The following KIRREL3 variants were observed in gnomAD, a reference collection of about 807,000 sequenced individuals.
The protein encoded by KIRREL3 is kin of IRRE-like protein 3.
KIRREL3 carries 36 observed loss-of-function variants against 89.7 expected under a neutral mutation model. The ratio of observed to expected loss-of-function variants is 0.40; its 90% CI spans 0.31 to 0.53. KIRREL3 has a LOEUF of 0.53. KIRREL3 is among the 20% of genes least tolerant of loss of function. The pLI is 0.49. For missense variants in KIRREL3, 864 were observed against 1,056.6 expected (o/e 0.82, Z 2.53); for synonymous variants, 445 against 441.4 (o/e 1.01, Z -0.10).
In KIRREL3 at chr11:126,704,124, C is replaced by T. The variant is rs1165885755; in HGVS notation, c.56-141212G>A. ...TATTACAACTTGAACTTAGCACCTG[C>T]TCTTGATATGTATGCCCAGAAGGCT... On this transcript the variant is annotated intron_variant, in intron 1 of 16. Coordinates refer to ENST00000525144, the MANE Select transcript of KIRREL3 (RefSeq NM_032531.4). This position sits in a 1 kb window ranked among gnomAD's most constrained non-coding sequence, Gnocchi z 4.2. Among the ~76,000 whole-genome samples the T allele has an allele frequency of 1.3e-5, 2 of 152,216 alleles. No homozygotes were observed. Among genetic ancestry groups the T allele is most frequent in the African/African-American group, 4.8e-5 (2 of 41,444 alleles).
rs1433107675 is a variant in KIRREL3 at position 126,594,981 on chromosome 11, CT to C, written c.56-32070del. ...GGGCCCTCGGACCCTCAGGGGCCTT[CT>C]GGGTTGTGAGGCGTGGGGCACCCCG... On this transcript the variant is annotated intron_variant, in intron 1 of 16. Coordinates refer to ENST00000525144, the MANE Select transcript of KIRREL3 (RefSeq NM_032531.4). The surrounding 1 kb of genome is among the most constrained non-coding windows in gnomAD (Gnocchi z 5.0). Among the ~76,000 whole-genome samples, 1 of 152,200 alleles carries C rather than the reference CT, an allele frequency of 6.6e-6. No individual in the cohort carries two copies. The highest frequency in any genetic ancestry group is 1.5e-5 in the Non-Finnish European group (1 of 68,030).
At chr11:127,002,789 G>A (rs1950337024), upstream of KIRREL3, 1 of 152,154 alleles carries the variant, frequency 6.6e-6, no homozygotes, top group Non-Finnish European at 1.5e-5. Context: ...ATGGCCCAGG[G>A]CCCAGATTTG....
rs566805365 is a variant in KIRREL3 at position 126,450,595 on chromosome 11, ATG to A, written c.849-1440_849-1439del. Among the ~76,000 whole-genome samples, 162 of 135,596 alleles carry A rather than the reference ATG, an allele frequency of 1.2e-3. 1 individual carries two copies. Among genetic ancestry groups the A allele is most frequent in the Middle Eastern group, 0.012 (2 of 170 alleles). 89.0% of individuals were successfully genotyped at this position (135,596 alleles called of 152,430 possible). A position where few individuals can be genotyped will look rare whatever the true frequency, so the allele number is the denominator to read the frequency against. ...TGCATGTGTGCATGTGCATGTGTGCATGTGTGTGTCCATCGGCGTGTGCGAGC... is the reference window on the plus strand; with the variant it reads ...TGCATGTGTGCATGTGCATGTGTGCATGTGTGTCCATCGGCGTGTGCGAGC... On this transcript the variant is annotated intron_variant, in intron 7 of 16. Coordinates refer to ENST00000525144, the MANE Select transcript of KIRREL3 (RefSeq NM_032531.4).
chr11:126,568,547 C>T lies in KIRREL3; in HGVS notation c.56-5635G>A, dbSNP rs2134612005. Among the ~76,000 whole-genome samples the T allele has an allele frequency of 6.6e-6, 1 of 152,280 alleles. No individual in the cohort carries two copies. Among genetic ancestry groups the T allele is most frequent in the South Asian group, 2.1e-4 (1 of 4,816 alleles). ...TGAGATCATCTGGAGGAGACACCAGCTGGGTTTGGTTGGACTCACAGGGAG... is the reference window on the plus strand; with the variant it reads ...TGAGATCATCTGGAGGAGACACCAGTTGGGTTTGGTTGGACTCACAGGGAG... On this transcript the variant is annotated intron_variant, in intron 1 of 16. Transcript: ENST00000525144. This position sits in a 1 kb window ranked among gnomAD's most constrained non-coding sequence, Gnocchi z 4.6.
At chr11:126,951,074 G>T (rs1359974715) in intron 1 of KIRREL3, among the ~76,000 whole-genome samples, 1 of 152,206 alleles carries the variant, frequency 6.6e-6, no homozygotes, top group East Asian at 1.9e-4. Flanking sequence ...AAGCCCCTTT[G>T]CAATGTATCG....
At chr11:126,950,328 C>A (rs1409060528) in intron 1 of KIRREL3, among the ~76,000 whole-genome samples, 1 of 152,132 alleles carries the variant, frequency 6.6e-6, no homozygotes, top group Admixed American at 6.6e-5. Flanking sequence ...GATTGTGCCA[C>A]TGCACTCCAG....
At chr11:126,732,513 T>C (rs1948660227) in intron 1 of KIRREL3, among the ~76,000 whole-genome samples, 1 of 152,156 alleles carries the variant, frequency 6.6e-6, no homozygotes, top group South Asian at 2.1e-4. Context: ...CTAAGCAAGT[T>C]AGGACTAAAC....
intron 1 of KIRREL3, among the ~76,000 whole-genome samples, chr11:126,616,856 G>T (rs1481415083): frequency 1.3e-5 from 2 of 152,138 alleles, no homozygotes; most frequent in African/African-American, 4.8e-5. Flanking sequence ...TGCCCAGGCT[G>T]GTCTTGAACT....
rs1318385278 is a variant in KIRREL3 at position 126,719,655 on chromosome 11, A to C, written c.56-156743T>G. 6.6e-6 allele frequency among the ~76,000 whole-genome samples: 1 copy of C among 152,106 alleles called. No homozygotes were observed. Among genetic ancestry groups the C allele is most frequent in the African/African-American group, 2.4e-5 (1 of 41,414 alleles). On this transcript the variant is annotated intron_variant, in intron 1 of 16. Transcript: ENST00000525144. The surrounding 1 kb of genome is among the most constrained non-coding windows in gnomAD (Gnocchi z 4.7). ...AATCATCCCTATCTCAGCCAATGGC[A>C]ACTTATCCTTCCTTTTGCGACTTCT... is the stretch of plus-strand genomic sequence containing the variant.
At chr11:126,451,105 ATGTGTGCATG>A (rs376909507) in intron 7 of KIRREL3, among the ~76,000 whole-genome samples, 4 of 83,114 alleles carry the variant, frequency 4.8e-5, no homozygotes, top group South Asian at 4.4e-4. Context: ...GTCCATGTGC[ATGTGTGCATG>A]TGTGTGTGTG....
Position 126,754,318 on chromosome 11 carries a change from T to C in KIRREL3, c.56-191406A>G, listed in dbSNP as rs1281047365. ...AAAGTGAGATTAAAAGAAAACTTGA[T>C]GGAAAATAAAGATGTTCACTGCTGA... On this transcript the variant is annotated intron_variant, in intron 1 of 16. Coordinates refer to ENST00000525144, the MANE Select transcript of KIRREL3 (RefSeq NM_032531.4). This position sits in a 1 kb window ranked among gnomAD's most constrained non-coding sequence, Gnocchi z 5.1. Among the ~76,000 whole-genome samples, 1 of 152,178 alleles carries C rather than the reference T, an allele frequency of 6.6e-6. No individual in the cohort carries two copies. The highest frequency in any genetic ancestry group is 1.5e-5 in the Non-Finnish European group (1 of 68,036).
Position 126,521,251 on chromosome 11 carries a change from C to G in KIRREL3, c.433+64G>C. The G allele has an allele frequency of 6.9e-7, 1 of 1,448,546 alleles. No homozygotes were observed. The allele number at this position is 1,448,546 out of a possible 1,614,324, so 89.7% of individuals were successfully genotyped here. On this transcript the variant is annotated intron_variant, in intron 4 of 16. Coordinates refer to ENST00000525144, the MANE Select transcript of KIRREL3 (RefSeq NM_032531.4). This position sits in a 1 kb window ranked among gnomAD's most constrained non-coding sequence, Gnocchi z 4.1. ...CCCCATGTCTGACCAAAAAAATACC[C>G]TCTTGGAGCTGAGCCCTTGGTGCTT...
At chr11:126,654,809 A>G (rs1945064067) in intron 1 of KIRREL3, among the ~76,000 whole-genome samples, 1 of 151,424 alleles carries the variant, frequency 6.6e-6, no homozygotes, top group Non-Finnish European at 1.5e-5. Context: ...TTATTTTTTT[A>G]TTTTTTTACA....
rs1052481349 is a variant in KIRREL3 at position 126,622,305 on chromosome 11, A to T, written c.56-59393T>A. 6.6e-6 allele frequency among the ~76,000 whole-genome samples: 1 copy of T among 152,216 alleles called. No individual in the cohort carries two copies. Among genetic ancestry groups the T allele is most frequent in the African/African-American group, 2.4e-5 (1 of 41,448 alleles). On this transcript the variant is annotated intron_variant, in intron 1 of 16. Transcript: ENST00000525144. This position sits in a 1 kb window ranked among gnomAD's most constrained non-coding sequence, Gnocchi z 5.2. ...CCTTCTAAATGTTAAAAATGGTGAC[A>T]CATTTTATCTCAAGTTGAACTTTGC...
In KIRREL3 at chr11:126,531,893, G is replaced by C. The variant is rs1380611007; in HGVS notation, c.134-5206C>G. The stretch of plus-strand genomic sequence containing the variant: ...GTGCCTTTGTACTTAGAGTTTGCCT[G>C]CTCTGGTTGGTCTGCTGAGATCGGT... On this transcript the variant is annotated intron_variant, in intron 2 of 16. Transcript: ENST00000525144. This position sits in a 1 kb window ranked among gnomAD's most constrained non-coding sequence, Gnocchi z 4.7. 6.6e-6 allele frequency among the ~76,000 whole-genome samples: 1 copy of C among 152,158 alleles called. No homozygotes were observed. Among genetic ancestry groups the C allele is most frequent in the Non-Finnish European group, 1.5e-5 (1 of 68,032 alleles).
intron 1 of KIRREL3, among the ~76,000 whole-genome samples, chr11:126,986,256 T>C (rs1591428794): frequency 6.6e-6 from 1 of 151,260 alleles, no homozygotes. Flanking sequence ...GATGAGAACA[T>C]TTTTTTTTAT....
At position 126,425,470 on chromosome 11, in the gene KIRREL3, G is replaced by A. The variant is rs538834344; in HGVS notation, c.1893+168C>T. ...CTCTCTCAGCCTCCTCAGCGTTGGG[G>A]TAGGGAGAGGAGGTGCCTTAGGCAG... On this transcript the variant is annotated intron_variant, in intron 16 of 16. Coordinates refer to ENST00000525144, the MANE Select transcript of KIRREL3 (RefSeq NM_032531.4). Among the ~76,000 whole-genome samples, 11 of 152,328 alleles carry A rather than the reference G, an allele frequency of 7.2e-5. No homozygotes were observed. The East Asian group carries it at 1.7e-3, about 24-fold the overall frequency.
At chr11:126,806,428 T>C (rs1157998842) in intron 1 of KIRREL3, among the ~76,000 whole-genome samples, 1 of 152,178 alleles carries the variant, frequency 6.6e-6, no homozygotes, top group African/African-American at 2.4e-5. Context: ...TCCTCTTCAG[T>C]CCTAAGATTC....
chr11:126,602,065 G>A (rs554914188), intron 1 of KIRREL3, among the ~76,000 whole-genome samples: 2 of 152,348 alleles, frequency 1.3e-5, no homozygotes, highest in South Asian at 4.1e-4. Context: ...GAATGGCCGA[G>A]TTTGTTTACT....
Sources: gnomAD v4.1 joint callset for allele counts (sites outside exome capture counted in the v4.1 genomes callset) on GRCh38, gnomAD v4.1.1 for gene constraint, Gnocchi (gnomAD v3.1) non-coding constraint, MANE v1.5 for transcripts, NCBI Gene and HGNC (gene_info 2026-07-23, HGNC 2026-07-21) for gene names.